Variants in TTC7B observed in about 807,000 individuals in gnomAD.
The protein encoded by TTC7B is tetratricopeptide repeat protein 7B.
TTC7B carries 28 observed loss-of-function variants against 106.8 expected under a neutral mutation model. The observed-to-expected ratio is 0.26, with a 90% CI of 0.19 to 0.36. TTC7B has a LOEUF of 0.36. TTC7B is among the 10% of genes least tolerant of loss of function. TTC7B has a pLI of 1.00. For missense variants in TTC7B, 862 were observed against 1,076.4 expected, an observed-to-expected ratio of 0.80 and a Z score of 2.79; for synonymous variants, 405 against 430.6, an observed-to-expected ratio of 0.94 and a Z score of 0.74.
chr14:90,646,776 G>T, intron 14 of TTC7B, 175 bp downstream of exon 14: 1 of 627,360 alleles, frequency 1.6e-6, no homozygotes. Flanking sequence ...CACAGCTGAT[G>T]CTCAAACCAA....
rs190157027 is a variant in TTC7B, at chr14:90,549,298, C to T, written c.2311-7709G>A. ...GGACCAGGATCAGTGGCTTTTCCCA[C>T]GGCTCAGCGCCCACCTGAGCTGCTG... On this transcript the variant is annotated intron_variant, in intron 19 of 19. Transcript: ENST00000328459. Among the ~76,000 whole-genome samples the T allele has an allele frequency of 5.9e-5, 9 of 152,292 alleles. No individual in the cohort carries two copies. The South Asian group carries it at 8.3e-4, about 14-fold the overall frequency.
chr14:90,612,807 T>C (rs1892927369), intron 16 of TTC7B, among the ~76,000 whole-genome samples: 1 of 152,198 alleles, frequency 6.6e-6, no homozygotes, highest in Non-Finnish European at 1.5e-5. Context: ...ACATCTGAGG[T>C]TAATATGGCC....
At chr14:90,701,721 A>AAT (rs1887994683) in intron 5 of TTC7B, among the ~76,000 whole-genome samples, 5 of 146,878 alleles carry the variant, frequency 3.4e-5, no homozygotes, top group Non-Finnish European at 7.5e-5. Context: ...CACACACACA[A>AAT]ATATATATTT....
Position 90,757,420 on chromosome 14 carries a change from G to C in TTC7B, c.446-12498C>G, listed in dbSNP as rs1393649656. 6.6e-6 allele frequency among the ~76,000 whole-genome samples: 1 copy of C among 151,990 alleles called. No homozygotes were observed. The highest frequency in any genetic ancestry group is 1.9e-4 in the East Asian group (1 of 5,190). On this transcript the variant is annotated intron_variant, in intron 3 of 19. Transcript: ENST00000328459. This position sits in a 1 kb window ranked among gnomAD's most constrained non-coding sequence, Gnocchi z 4.1. ...GATCGCACTACTGCACTCCAGCCTGGGTGACAGGGCAGGACCCTGTCTCTA... is the reference window on the plus strand; with the variant it reads ...GATCGCACTACTGCACTCCAGCCTGCGTGACAGGGCAGGACCCTGTCTCTA...
At position 90,657,059 on chromosome 14, in the gene TTC7B, C is replaced by T; in HGVS notation, c.1341+115G>A. On this transcript the variant is annotated intron_variant, in intron 11 of 19. Coordinates refer to ENST00000328459, the MANE Select transcript of TTC7B (RefSeq NM_001010854.2). The surrounding 1 kb of genome is among the most constrained non-coding windows in gnomAD (Gnocchi z 4.2). ...GGTCCGTGGCTCTACACAGTCTTGT[C>T]TTTGTACAGCTGATGAATCACCCTC... 1 of 928,816 alleles carries T rather than the reference C, an allele frequency of 1.1e-6. No homozygotes were observed. Among genetic ancestry groups the T allele is most frequent in the South Asian group, 1.6e-5 (1 of 62,386 alleles). The allele number at this position is 928,816 out of a possible 1,614,324, so 57.5% of individuals were successfully genotyped here.
chr14:90,717,829 C>A (rs2139974911), intron 5 of TTC7B, among the ~76,000 whole-genome samples: 1 of 152,272 alleles, frequency 6.6e-6, no homozygotes, highest in African/African-American at 2.4e-5. Context: ...GGGCCAGAGC[C>A]AGAACAGGGG....
chr14:90,682,574 G>A (rs112892624), intron 7 of TTC7B, among the ~76,000 whole-genome samples: 7 of 152,330 alleles, frequency 4.6e-5, no homozygotes, highest in African/African-American at 1.4e-4. Context: ...GGTCAAAACT[G>A]TTGGGGCCTT....
intron 1 of TTC7B, among the ~76,000 whole-genome samples, chr14:90,799,974 A>G (rs893987362): frequency 6.6e-6 from 1 of 151,978 alleles, no homozygotes; most frequent in Non-Finnish European, 1.5e-5. Context: ...GGACTACTAC[A>G]GGCGCCCGCC....
intron 1 of TTC7B, among the ~76,000 whole-genome samples, chr14:90,795,593 G>A (rs1360617696): frequency 1.3e-5 from 2 of 152,214 alleles, no homozygotes; most frequent in Admixed American, 1.3e-4. Flanking sequence ...GTGGCACTGG[G>A]CAAGACACTT....
chr14:90,709,542 G>T (rs1305532107), intron 5 of TTC7B, among the ~76,000 whole-genome samples: 2 of 124,022 alleles, frequency 1.6e-5, no homozygotes, highest in African/African-American at 3.0e-5. Flanking sequence ...GTTGTGGGGT[G>T]GGGGGAGGGG....
At position 90,575,501 on chromosome 14, in the gene TTC7B, G is replaced by A. The variant is rs1410120748; in HGVS notation, c.2310+2605C>T. ...TAGCTTGTAGGGAAGAGGACAGAGA[G>A]GGAGTGTGATGTCTCAGGGCTGAAG... On this transcript the variant is annotated intron_variant, in intron 19 of 19. Coordinates refer to ENST00000328459, the MANE Select transcript of TTC7B (RefSeq NM_001010854.2). This position sits in a 1 kb window ranked among gnomAD's most constrained non-coding sequence, Gnocchi z 5.2. 6.6e-6 allele frequency among the ~76,000 whole-genome samples: 1 copy of A among 152,204 alleles called. No homozygotes were observed. The highest frequency in any genetic ancestry group is 1.5e-5 in the Non-Finnish European group (1 of 68,042).
At chr14:90,652,379 G>T (rs1255438003) in intron 13 of TTC7B, among the ~76,000 whole-genome samples, 1 of 151,838 alleles carries the variant, frequency 6.6e-6, no homozygotes, top group East Asian at 1.9e-4. Flanking sequence ...GGAACAAGGT[G>T]GGGGCGGGGA....
At chr14:90,760,794 G>A (rs1890474142) in intron 3 of TTC7B, among the ~76,000 whole-genome samples, 1 of 152,286 alleles carries the variant, frequency 6.6e-6, no homozygotes, top group East Asian at 1.9e-4. Context: ...ACCAAGTCCT[G>A]CACCTATACG....
chr14:90,765,883 CCACATA>C (rs1240184183), intron 3 of TTC7B, among the ~76,000 whole-genome samples: 1 of 152,192 alleles, frequency 6.6e-6, no homozygotes, highest in African/African-American at 2.4e-5. Flanking sequence ...GCAAGCCACC[CCACATA>C]CACCAACAGA....
chr14:90,775,144 A>G (rs1030049947), intron 3 of TTC7B, among the ~76,000 whole-genome samples: 31 of 152,110 alleles, frequency 2.0e-4, no homozygotes, highest in Admixed American at 9.8e-4. Flanking sequence ...CTAAGGCACC[A>G]ATGTATTCAT....
intron 2 of TTC7B, among the ~76,000 whole-genome samples, chr14:90,785,300 C>T (rs1176128395): frequency 1.3e-5 from 2 of 151,940 alleles, no homozygotes; most frequent in African/African-American, 4.8e-5. Flanking sequence ...CAGAGGATTC[C>T]GAGACAGGAA....
chr14:90,662,407 T>C (rs1429904871), intron 9 of TTC7B, among the ~76,000 whole-genome samples: 1 of 152,180 alleles, frequency 6.6e-6, no homozygotes, highest in East Asian at 1.9e-4. Context: ...TAAGTTACTT[T>C]TCTGCTTAAC....
rs1472315278 is a variant in TTC7B at position 90,573,517 on chromosome 14, GGCTCACGGTCTCTCTCA to G, written c.2310+4572_2310+4588del. On this transcript the variant is annotated intron_variant, in intron 19 of 19. Transcript: ENST00000328459. Reference sequence around the variant, plus strand: ...CCCTCTCAGCTCACGGTCCCTCTCCGGCTCACGGTCTCTCTCAGCTCACGGTCCCTCTCCGGCTCACG... The same window carrying G: ...CCCTCTCAGCTCACGGTCCCTCTCCGGCTCACGGTCCCTCTCCGGCTCACG... Among the ~76,000 whole-genome samples, 22 of 127,272 alleles carry G rather than the reference GGCTCACGGTCTCTCTCA, an allele frequency of 1.7e-4. No homozygotes were observed. In the East Asian group the frequency reaches 1.9e-3, roughly 11 times the overall value. 83.5% of individuals were successfully genotyped at this position (127,272 alleles called of 152,430 possible). A position where few individuals can be genotyped will look rare whatever the true frequency, so the allele number is the denominator to read the frequency against.
rs563561364 is a variant in TTC7B, at chr14:90,559,144, C to T, written c.2311-17555G>A. 6.6e-4 allele frequency among the ~76,000 whole-genome samples: 100 copies of T among 152,316 alleles called. 1 individual carries two copies. The highest frequency in any genetic ancestry group is 2.3e-3 in the South Asian group (11 of 4,830). ...CAGTGATGTGACCGCTTACCCAGGCCGGGCAAACGCGGAGCTTGGAGGATC... is the reference window on the plus strand; with the variant it reads ...CAGTGATGTGACCGCTTACCCAGGCTGGGCAAACGCGGAGCTTGGAGGATC... On this transcript the variant is annotated intron_variant, in intron 19 of 19. Transcript: ENST00000328459.
Sources: gnomAD v4.1 joint callset for allele counts (sites outside exome capture counted in the v4.1 genomes callset) on GRCh38, gnomAD v4.1.1 for gene constraint, Gnocchi (gnomAD v3.1) non-coding constraint, MANE v1.5 for transcripts, NCBI Gene and HGNC (gene_info 2026-07-23, HGNC 2026-07-21) for gene names.